Variants in EXOC6B observed in about 807,000 individuals in gnomAD.
EXOC6B encodes SEC15 homolog B.
A neutral mutation model predicts 113.5 loss-of-function variants in EXOC6B; 54 were observed. The ratio of observed to expected loss-of-function variants is 0.48; its 90% confidence interval spans 0.38 to 0.60. EXOC6B has a LOEUF of 0.60. Ranked by LOEUF, EXOC6B falls within the 20% of genes least tolerant of loss-of-function variation. The pLI, the probability that EXOC6B is intolerant of heterozygous loss-of-function variation, is 0.00. For synonymous variants in EXOC6B, 357 were observed against 339.0 expected (o/e 1.05, Z -0.58); for missense variants, 797 against 977.5 (o/e 0.82, Z 2.46).
At chr2:72,524,620 G>A (rs1211207003) in intron 8 of EXOC6B, among the ~76,000 whole-genome samples, 2 of 152,074 alleles carry the variant, frequency 1.3e-5, no homozygotes, top group Non-Finnish European at 2.9e-5. Flanking sequence ...AATGTAACTG[G>A]ATTGTTTGCA....
At chr2:72,811,384 G>A (rs1685914904) in intron 1 of EXOC6B, among the ~76,000 whole-genome samples, 2 of 152,016 alleles carry the variant, frequency 1.3e-5, no homozygotes, top group Non-Finnish European at 2.9e-5. Flanking sequence ...AAAAAATACA[G>A]ACTACAACTC....
intron 6 of EXOC6B, among the ~76,000 whole-genome samples, chr2:72,670,122 T>C (rs1214888042): frequency 6.6e-6 from 1 of 152,212 alleles, no homozygotes; most frequent in Non-Finnish European, 1.5e-5. Context: ...AAATACAGCA[T>C]GCTGGAATGA....
chr2:72,755,750 G>C (rs1213335033), intron 1 of EXOC6B, among the ~76,000 whole-genome samples: 1 of 152,194 alleles, frequency 6.6e-6, no homozygotes, highest in East Asian at 1.9e-4. Context: ...GAAGCTAGGA[G>C]AAGGAAGATG....
chr2:72,330,059 G>A (rs750230830), intron 20 of EXOC6B, among the ~76,000 whole-genome samples: 2 of 152,070 alleles, frequency 1.3e-5, no homozygotes. Flanking sequence ...GAGATCTGAT[G>A]CAATGTCACA....
chr2:72,728,903 T>C (rs1680470835), intron 5 of EXOC6B, among the ~76,000 whole-genome samples: 1 of 152,234 alleles, frequency 6.6e-6, no homozygotes, highest in Middle Eastern at 3.4e-3. Flanking sequence ...TAGACTACCA[T>C]GGAGTGATTA....
intron 8 of EXOC6B, among the ~76,000 whole-genome samples, chr2:72,536,615 C>T (rs778816222): frequency 2.9e-4 from 44 of 152,158 alleles, no homozygotes; most frequent in Non-Finnish European, 5.9e-4. Context: ...TTAATTGCCT[C>T]TCCTCTTGGC....
intron 6 of EXOC6B, among the ~76,000 whole-genome samples, chr2:72,698,416 A>C (rs1389160803): frequency 2.6e-5 from 4 of 152,224 alleles, no homozygotes; most frequent in Admixed American, 2.6e-4. Flanking sequence ...GTAAAGAAGG[A>C]GGTAAACTCT....
At chr2:72,586,225 A>G (rs1397255604) in intron 6 of EXOC6B, among the ~76,000 whole-genome samples, 1 of 152,166 alleles carries the variant, frequency 6.6e-6, no homozygotes, top group Non-Finnish European at 1.5e-5. Flanking sequence ...AAGCAATTGC[A>G]ACAAAAACAA....
chr2:72,547,191 T>C (rs1258829665), intron 8 of EXOC6B, among the ~76,000 whole-genome samples: 1 of 152,218 alleles, frequency 6.6e-6, no homozygotes, highest in African/African-American at 2.4e-5. Flanking sequence ...TGCACAATGA[T>C]ATTCTCAATT....
At chr2:72,638,262 G>A (rs779783108) in intron 6 of EXOC6B, among the ~76,000 whole-genome samples, 86 of 152,196 alleles carry the variant, frequency 5.7e-4, no homozygotes, top group Non-Finnish European at 1.1e-3. Flanking sequence ...TAAAAGACAT[G>A]GATACATTCC....
intron 6 of EXOC6B, among the ~76,000 whole-genome samples, chr2:72,635,005 T>C (rs1381294938): frequency 1.3e-5 from 2 of 148,610 alleles, no homozygotes; most frequent in African/African-American, 2.5e-5. Flanking sequence ...AAAGTAAAAA[T>C]ACATAGAACT....
intron 6 of EXOC6B, among the ~76,000 whole-genome samples, chr2:72,588,904 T>C (rs540946138): frequency 2.2e-4 from 33 of 152,152 alleles, no homozygotes; most frequent in Non-Finnish European, 3.5e-4. Flanking sequence ...TCCCAGCTCT[T>C]TTTAAATATT....
chr2:72,349,620 A>T (rs1178297896), intron 19 of EXOC6B, among the ~76,000 whole-genome samples: 3 of 152,208 alleles, frequency 2.0e-5, no homozygotes, highest in Non-Finnish European at 4.4e-5. Flanking sequence ...AGAGGGAGAC[A>T]CACTCAGATT....
chr2:72,271,708 T>A (rs1014813737), intron 20 of EXOC6B, among the ~76,000 whole-genome samples: 2 of 152,192 alleles, frequency 1.3e-5, no homozygotes, highest in Non-Finnish European at 2.9e-5. Flanking sequence ...TGACAAATAC[T>A]TCTGGGTTTG....
chr2:72,749,169 A>G (rs550711098), intron 1 of EXOC6B, among the ~76,000 whole-genome samples: 45 of 152,192 alleles, frequency 3.0e-4, no homozygotes, highest in African/African-American at 1.1e-3. Flanking sequence ...ATAAGATAAG[A>G]TATAAAAAAG....
chr2:72,648,695 T>C (rs1207003005), intron 6 of EXOC6B, among the ~76,000 whole-genome samples: 2 of 152,178 alleles, frequency 1.3e-5, no homozygotes, highest in African/African-American at 2.4e-5. Flanking sequence ...GTGGTACATA[T>C]ACAGAATGGA....
At chr2:72,440,341 A>G (rs1303108906) in intron 18 of EXOC6B, among the ~76,000 whole-genome samples, 5 of 152,234 alleles carry the variant, frequency 3.3e-5, no homozygotes, top group Non-Finnish European at 7.3e-5. Context: ...TCAGACTAAC[A>G]GTGAAACTCT....
chr2:72,705,135 C>A lies in EXOC6B; in HGVS notation c.669+12968G>T, dbSNP rs566686344. The stretch of plus-strand genomic sequence containing the variant: ...CATCAAAAAGCTTATCCACCATGAT[C>A]AAGTGGGCTTCATCCCTGGGATGCA... On this transcript the variant is annotated intron_variant, in intron 6 of 21. Coordinates refer to ENST00000272427, the MANE Select transcript of EXOC6B (RefSeq NM_015189.3). Among the ~76,000 whole-genome samples the A allele has an allele frequency of 6.3e-4, 95 of 151,534 alleles. 2 individuals carry two copies. Among genetic ancestry groups the A allele is most frequent in the African/African-American group, 2.3e-3 (94 of 41,432 alleles).
At chr2:72,763,987 G>A (rs1379358967) in intron 1 of EXOC6B, among the ~76,000 whole-genome samples, 3 of 152,052 alleles carry the variant, frequency 2.0e-5, no homozygotes, top group South Asian at 4.1e-4. Context: ...GCTGTGGTGG[G>A]AGGATCACTT....
Sources: gnomAD v4.1 joint callset for allele counts (sites outside exome capture counted in the v4.1 genomes callset) on GRCh38, gnomAD v4.1.1 for gene constraint, MANE v1.5 for transcripts, NCBI Gene and HGNC (gene_info 2026-07-23, HGNC 2026-07-21) for gene names.